F2R: variants seen among roughly 807,000 people sequenced by gnomAD.
F2R encodes proteinase-activated receptor 1.
Under a neutral mutation model 18.3 loss-of-function variants are expected in F2R, and 12 were observed. That is an observed-to-expected ratio of 0.66 (90% CI 0.42 to 1.06). F2R has a LOEUF of 1.06. Ranked by LOEUF, F2R falls within the 50% of genes least tolerant of loss-of-function variation. F2R has a pLI of 0.00. For missense variants in F2R, 438 were observed against 530.8 expected, an observed-to-expected ratio of 0.83 and a Z score of 1.72; for synonymous variants, 210 against 219.9, an observed-to-expected ratio of 0.95 and a Z score of 0.40.
chr5:76,725,645 C>T (rs1181010989), intron 1 of F2R, among the ~76,000 whole-genome samples: 8 of 150,794 alleles, frequency 5.3e-5, no homozygotes, highest in African/African-American at 1.7e-4. Flanking sequence ...TTTTTTTTTC[C>T]GACATTCTTT....
chr5:76,718,359 C>G (rs796209976), intron 1 of F2R, among the ~76,000 whole-genome samples: 25 of 152,342 alleles, frequency 1.6e-4, no homozygotes, highest in African/African-American at 6.0e-4. Context: ...ATTGACAATT[C>G]TAAGCATTGT....
chr5:76,718,449 G>C (rs1440790302), intron 1 of F2R, among the ~76,000 whole-genome samples: 1 of 152,238 alleles, frequency 6.6e-6, no homozygotes, highest in African/African-American at 2.4e-5. Flanking sequence ...CTGTGATAGA[G>C]TTTATTGTCC....
intron 1 of F2R, among the ~76,000 whole-genome samples, chr5:76,722,721 G>A (rs1748488080): frequency 6.6e-6 from 1 of 152,172 alleles, no homozygotes; most frequent in Non-Finnish European, 1.5e-5. Flanking sequence ...GGGAGGCTGA[G>A]GCGCAGATCA....
chr5:76,722,496 G>A (rs190310565), intron 1 of F2R, among the ~76,000 whole-genome samples: 10 of 152,042 alleles, frequency 6.6e-5, no homozygotes, highest in Admixed American at 2.6e-4. Context: ...CTGCTGTGGC[G>A]TTGGGTACAC....
chr5:76,730,880 A>T (rs1388671118), intron 1 of F2R, among the ~76,000 whole-genome samples: 1 of 152,208 alleles, frequency 6.6e-6, no homozygotes, highest in Non-Finnish European at 1.5e-5. Context: ...ACTTTTATCC[A>T]TTCGTTATAA....
intron 1 of F2R, among the ~76,000 whole-genome samples, chr5:76,728,195 A>G (rs1026103888): frequency 6.6e-6 from 1 of 152,156 alleles, no homozygotes; most frequent in Admixed American, 6.5e-5. Flanking sequence ...TTTTGTGGTG[A>G]GACCACTTAA....
At chr5:76,726,255 G>C (rs1268809560) in intron 1 of F2R, among the ~76,000 whole-genome samples, 1 of 152,110 alleles carries the variant, frequency 6.6e-6, no homozygotes, top group Non-Finnish European at 1.5e-5. Flanking sequence ...TGGGCAGCCG[G>C]GCGCGGTGGC....
Position 76,716,265 on chromosome 5 carries a change from G to A in F2R, c.-43G>A. ...AGAGGGTGAAGCGGAGCAGCCCGAGGCGGGGCAGCCTCCCGGAGCAGCGCC... is the reference window on the plus strand; with the variant it reads ...AGAGGGTGAAGCGGAGCAGCCCGAGACGGGGCAGCCTCCCGGAGCAGCGCC... On this transcript the variant is annotated 5_prime_UTR_variant, in exon 1 of 2. Transcript: ENST00000319211. The A allele has an allele frequency of 7.5e-7, 1 of 1,328,824 alleles. No individual in the cohort carries two copies. Among genetic ancestry groups the A allele is most frequent in the Non-Finnish European group, 9.6e-7 (1 of 1,041,756 alleles). 82.3% of individuals were successfully genotyped at this position (1,328,824 alleles called of 1,614,324 possible).
At chr5:76,723,260 T>C (rs1289610083) in intron 1 of F2R, among the ~76,000 whole-genome samples, 1 of 152,186 alleles carries the variant, frequency 6.6e-6, no homozygotes, top group Non-Finnish European at 1.5e-5. Context: ...GCAGATTCAT[T>C]TGTTTGGTGA....
At chr5:76,721,221 A>T (rs986998033) in intron 1 of F2R, among the ~76,000 whole-genome samples, 3 of 152,112 alleles carry the variant, frequency 2.0e-5, no homozygotes, top group African/African-American at 7.2e-5. Flanking sequence ...TGACTATGAT[A>T]CTAGTGTTGA....
chr5:76,719,704 A>G (rs2150580029), intron 1 of F2R, among the ~76,000 whole-genome samples: 1 of 152,346 alleles, frequency 6.6e-6, no homozygotes, highest in Non-Finnish European at 1.5e-5. Context: ...CACCTCTTAC[A>G]GTAGAGAAGT....
chr5:76,720,267 C>A (rs1301839116), intron 1 of F2R, among the ~76,000 whole-genome samples: 1 of 151,954 alleles, frequency 6.6e-6, no homozygotes, highest in Non-Finnish European at 1.5e-5. Flanking sequence ...AAGACCCCAT[C>A]TCTATTAAAA....
At chr5:76,718,917 C>G (rs962550875) in intron 1 of F2R, among the ~76,000 whole-genome samples, 1 of 152,146 alleles carries the variant, frequency 6.6e-6, no homozygotes, top group Non-Finnish European at 1.5e-5. Flanking sequence ...AAGCCCAATT[C>G]TCTGGCATGG....
At chr5:76,717,189 C>A (rs1342866741) in intron 1 of F2R, among the ~76,000 whole-genome samples, 1 of 152,164 alleles carries the variant, frequency 6.6e-6, no homozygotes, top group African/African-American at 2.4e-5. Context: ...CACTAGTAGT[C>A]TATTTTTAAG....
At chr5:76,728,657 A>C (rs1748614577) in intron 1 of F2R, among the ~76,000 whole-genome samples, 1 of 149,150 alleles carries the variant, frequency 6.7e-6, no homozygotes. Flanking sequence ...TGCAATGAAC[A>C]TGAGATTGCA....
At chr5:76,722,360 G>A (rs563343662) in intron 1 of F2R, among the ~76,000 whole-genome samples, 1 of 152,176 alleles carries the variant, frequency 6.6e-6, no homozygotes, top group Non-Finnish European at 1.5e-5. Flanking sequence ...TGGAGAAATG[G>A]GGAAAGCCGG....
At chr5:76,727,389 A>G (rs1320703331) in intron 1 of F2R, among the ~76,000 whole-genome samples, 1 of 152,262 alleles carries the variant, frequency 6.6e-6, no homozygotes, top group Non-Finnish European at 1.5e-5. Flanking sequence ...TGTGCCTACC[A>G]CATGCAGGGC....
At chr5:76,723,666 C>T (rs1022378024) in intron 1 of F2R, among the ~76,000 whole-genome samples, 3 of 152,178 alleles carry the variant, frequency 2.0e-5, no homozygotes, top group African/African-American at 7.2e-5. Context: ...AATCTTCACA[C>T]AAGCATGCAA....
intron 1 of F2R, among the ~76,000 whole-genome samples, chr5:76,717,007 G>T (rs1436452956): frequency 6.6e-6 from 1 of 152,188 alleles, no homozygotes; most frequent in Non-Finnish European, 1.5e-5. Context: ...GGTGGCGGGG[G>T]AGGGGACATG....
Sources: gnomAD v4.1 joint callset for allele counts (sites outside exome capture counted in the v4.1 genomes callset) on GRCh38, gnomAD v4.1.1 for gene constraint, MANE v1.5 for transcripts, NCBI Gene and HGNC (gene_info 2026-07-23, HGNC 2026-07-21) for gene names.